PARD3: variants seen among roughly 807,000 people sequenced by gnomAD.
The protein encoded by PARD3 is par-3 family cell polarity regulator, also known as partitioning defective 3 homolog.
Under a neutral mutation model 155.4 loss-of-function variants are expected in PARD3, and 75 were observed. That is an observed-to-expected ratio of 0.48 (90% confidence interval 0.40 to 0.58). PARD3 has a LOEUF of 0.58. Ranked by LOEUF, PARD3 falls within the 20% of genes least tolerant of loss-of-function variation. PARD3 has a pLI of 0.00. For missense variants in PARD3, 1,642 were observed against 1,721.7 expected (o/e 0.95, Z 0.82); for synonymous variants, 576 against 610.5 (o/e 0.94, Z 0.83).
chr10:34,544,367 T>C (rs2083877261), intron 2 of PARD3, among the ~76,000 whole-genome samples: 1 of 152,242 alleles, frequency 6.6e-6, no homozygotes, highest in African/African-American at 2.4e-5. Flanking sequence ...ATTCTAGCTC[T>C]AAATTTCCTT....
chr10:34,300,656 T>TG (rs1957104037), intron 20 of PARD3, among the ~76,000 whole-genome samples: 1 of 150,350 alleles, frequency 6.7e-6, no homozygotes, highest in African/African-American at 2.4e-5. Context: ...ATGGCAGGGC[T>TG]GGGGGCAATT....
At chr10:34,279,154 T>C (rs1243530599) in intron 21 of PARD3, among the ~76,000 whole-genome samples, 2 of 146,352 alleles carry the variant, frequency 1.4e-5, no homozygotes, top group African/African-American at 2.5e-5. Context: ...TTTTTTTTTT[T>C]TTTTTTTTTA....
At chr10:34,457,359 A>C (rs1050385749) in intron 4 of PARD3, among the ~76,000 whole-genome samples, 10 of 152,198 alleles carry the variant, frequency 6.6e-5, no homozygotes, top group Non-Finnish European at 1.3e-4. Context: ...TGCTCGTTTG[A>C]ACCAATTTTC....
chr10:34,176,008 T>C (rs1356913631), intron 22 of PARD3, among the ~76,000 whole-genome samples: 1 of 152,196 alleles, frequency 6.6e-6, no homozygotes, highest in African/African-American at 2.4e-5. Flanking sequence ...AATTCACAAA[T>C]AGATAAATTA....
intron 1 of PARD3, among the ~76,000 whole-genome samples, chr10:34,801,128 AG>A (rs1477307327): frequency 1.3e-5 from 2 of 152,220 alleles, no homozygotes; most frequent in East Asian, 3.8e-4. Context: ...ACAAAAACAA[AG>A]GGGAAGCGTG....
At chr10:34,584,681 C>A (rs976611222) in intron 2 of PARD3, among the ~76,000 whole-genome samples, 2 of 152,110 alleles carry the variant, frequency 1.3e-5, no homozygotes, top group African/African-American at 4.8e-5. Context: ...GAGAGACAAA[C>A]CTTTTTTTGA....
At chr10:34,164,524 A>G (rs1014517301) in intron 22 of PARD3, among the ~76,000 whole-genome samples, 1 of 152,230 alleles carries the variant, frequency 6.6e-6, no homozygotes, top group Non-Finnish European at 1.5e-5. Flanking sequence ...TATTTGTTGA[A>G]CTATTCTCAG....
chr10:34,692,595 C>T (rs187774246), intron 2 of PARD3, among the ~76,000 whole-genome samples: 1 of 152,282 alleles, frequency 6.6e-6, no homozygotes, highest in East Asian at 1.9e-4. Context: ...GGCAAAGAGG[C>T]CAGGCGTGGT....
At chr10:34,350,146 T>C (rs2134390228) in intron 14 of PARD3, among the ~76,000 whole-genome samples, 1 of 152,302 alleles carries the variant, frequency 6.6e-6, no homozygotes, top group African/African-American at 2.4e-5. Flanking sequence ...AAAAAACTGA[T>C]TGGGGTTACA....
At chr10:34,444,064 G>A (rs2076610490) in intron 5 of PARD3, among the ~76,000 whole-genome samples, 1 of 152,154 alleles carries the variant, frequency 6.6e-6, no homozygotes, top group South Asian at 2.1e-4. Context: ...TCTTGATGGA[G>A]AGAGCCCTAA....
At chr10:34,266,198 A>G (rs1955295072) in intron 22 of PARD3, among the ~76,000 whole-genome samples, 1 of 151,054 alleles carries the variant, frequency 6.6e-6, no homozygotes, top group Non-Finnish European at 1.5e-5. Flanking sequence ...AATTTAGTTC[A>G]ATACTGCAGT....
intron 20 of PARD3, among the ~76,000 whole-genome samples, chr10:34,309,837 G>C (rs1957610199): frequency 7.7e-6 from 1 of 129,390 alleles, no homozygotes; most frequent in Admixed American, 9.6e-5. Context: ...GAGAGGACCA[G>C]AATGGTTTGG....
At chr10:34,264,144 T>C (rs1157139513) in intron 22 of PARD3, among the ~76,000 whole-genome samples, 1 of 152,224 alleles carries the variant, frequency 6.6e-6, no homozygotes, top group Non-Finnish European at 1.5e-5. Context: ...ACAACCAATC[T>C]ATTTTTCATT....
intron 1 of PARD3, among the ~76,000 whole-genome samples, chr10:34,807,690 GTA>G (rs1026647407): frequency 3.0e-5 from 2 of 65,736 alleles, no homozygotes; most frequent in African/African-American, 2.4e-4. Context: ...GTGTGTGTGT[GTA>G]TATATATAAA....
chr10:34,460,574 C>A (rs996895997), intron 4 of PARD3, among the ~76,000 whole-genome samples: 1 of 152,146 alleles, frequency 6.6e-6, no homozygotes, highest in Non-Finnish European at 1.5e-5. Flanking sequence ...GGGCTCACAC[C>A]TGTAATCCCA....
intron 3 of PARD3, among the ~76,000 whole-genome samples, chr10:34,503,005 C>T (rs1194113233): frequency 2.0e-5 from 3 of 152,032 alleles, no homozygotes; most frequent in Admixed American, 6.6e-5. Flanking sequence ...AGTTTTATGC[C>T]TCAGTGTCCT....
chr10:34,497,051 A>G lies in PARD3; in HGVS notation c.403+19928T>C, dbSNP rs186614125. ...TAATAATTGTTAGAGCTGATAGTTG[A>G]GCTGTATGTTTAAAATTTTCTGTAA... is the stretch of plus-strand genomic sequence containing the variant. On this transcript the variant is annotated intron_variant, in intron 3 of 24. Coordinates refer to ENST00000374788, the MANE Select transcript of PARD3 (RefSeq NM_001184785.2). 1.4e-3 allele frequency among the ~76,000 whole-genome samples: 214 copies of G among 152,292 alleles called. 1 individual carries two copies. The highest frequency in any genetic ancestry group is 4.6e-3 in the African/African-American group (191 of 41,560).
At chr10:34,515,577 G>A (rs12265089) in intron 3 of PARD3, among the ~76,000 whole-genome samples, 10 of 152,190 alleles carry the variant, frequency 6.6e-5, no homozygotes, top group Admixed American at 5.9e-4. Context: ...TCTGTATGGC[G>A]CATTGTCCTG....
intron 2 of PARD3, among the ~76,000 whole-genome samples, chr10:34,612,346 C>G (rs1048706115): frequency 5.9e-5 from 9 of 152,080 alleles, no homozygotes; most frequent in African/African-American, 2.2e-4. Flanking sequence ...GAAATATACA[C>G]ACATTTTCCC....
Sources: gnomAD v4.1 joint callset for allele counts (sites outside exome capture counted in the v4.1 genomes callset) on GRCh38, gnomAD v4.1.1 for gene constraint, MANE v1.5 for transcripts, NCBI Gene and HGNC (gene_info 2026-07-23, HGNC 2026-07-21) for gene names.